Variants in CFTR observed in about 807,000 individuals in gnomAD.
CFTR encodes the protein CF transmembrane conductance regulator, also known as cystic fibrosis transmembrane conductance regulator.
In CFTR, 181 loss-of-function variants were observed where a neutral mutation model predicts 171.6. The observed-to-expected ratio is 1.05, with a 90% CI of 0.93 to 1.19. CFTR has a LOEUF of 1.19. CFTR is among the 50% of genes most tolerant of loss of function. CFTR has a pLI of 0.00. For synonymous variants in CFTR, 583 were observed against 608.0 expected (o/e 0.96, Z 0.60); for missense variants, 1,968 against 1,734.7 (o/e 1.13, Z -2.39).
At chr7:117,663,428 T>C (rs1420660274) in intron 24 of CFTR, among the ~76,000 whole-genome samples, 5 of 151,924 alleles carry the variant, frequency 3.3e-5, no homozygotes, top group Non-Finnish European at 7.4e-5. Context: ...GAGATTACTT[T>C]AATGAGAAAC....
At chr7:117,533,281 C>T (rs1382800501) in intron 4 of CFTR, among the ~76,000 whole-genome samples, 1 of 152,052 alleles carries the variant, frequency 6.6e-6, no homozygotes, top group African/African-American at 2.4e-5. Context: ...CTTCTTTTCT[C>T]TGCTTGTCTA....
At chr7:117,559,375 A>G (rs1584798110) in intron 10 of CFTR, 89 bp from the exon 11 acceptor site, 2 of 862,426 alleles carry the variant, frequency 2.3e-6, no homozygotes, top group South Asian at 2.7e-5. Context: ...AAATAAGAAT[A>G]TACACTTCTG....
At chr7:117,579,541 C>T (rs557433538) in intron 11 of CFTR, among the ~76,000 whole-genome samples, 14 of 151,338 alleles carry the variant, frequency 9.3e-5, no homozygotes, top group African/African-American at 3.1e-4. Context: ...CACAAATATC[C>T]ATTAGCTATT....
At chr7:117,578,201 G>A (rs183942037) in intron 11 of CFTR, among the ~76,000 whole-genome samples, 86 of 149,476 alleles carry the variant, frequency 5.8e-4, no homozygotes, top group Non-Finnish European at 1.0e-3. Flanking sequence ...TTTTTTTTCC[G>A]TTTCTGACAC....
chr7:117,509,745 A>G (rs1167740795), intron 3 of CFTR, among the ~76,000 whole-genome samples: 1 of 152,180 alleles, frequency 6.6e-6, no homozygotes, highest in Non-Finnish European at 1.5e-5. Flanking sequence ...AGTGCCTTGT[A>G]TGTTCCCCAG....
intron 18 of CFTR, among the ~76,000 whole-genome samples, chr7:117,609,045 A>G (rs571709191): frequency 6.6e-6 from 1 of 152,252 alleles, no homozygotes; most frequent in East Asian, 1.9e-4. Context: ...CTGAAATTTT[A>G]TACCTGTTGA....
intron 19 of CFTR, among the ~76,000 whole-genome samples, chr7:117,611,320 A>T (rs1429969313): frequency 1.3e-5 from 2 of 152,192 alleles, no homozygotes; most frequent in Non-Finnish European, 2.9e-5. Context: ...TCCCAGTGGT[A>T]GCCAAGAAAG....
chr7:117,517,419 G>C (rs1360879232), intron 3 of CFTR, among the ~76,000 whole-genome samples: 2 of 152,154 alleles, frequency 1.3e-5, no homozygotes, highest in Non-Finnish European at 2.9e-5. Context: ...GTATTCCATG[G>C]TATATATGTG....
chr7:117,606,574 CT>C lies in CFTR; in HGVS notation c.2909-99del, dbSNP rs1213436263. The C allele has an allele frequency of 4.3e-5, 32 of 735,858 alleles. No individual in the cohort carries two copies. In the Admixed American group the frequency reaches 6.2e-4, roughly 14 times the overall value. The allele number at this position is 735,858 out of a possible 1,614,324, so 45.6% of individuals were successfully genotyped here. A position where few individuals can be genotyped will look rare whatever the true frequency, so the allele number is the denominator to read the frequency against. On this transcript the variant is annotated intron_variant, in intron 17 of 26. Coordinates refer to ENST00000003084, the MANE Select transcript of CFTR (RefSeq NM_000492.4). ...CTATTTGCTAATTCTTATTTGGGTTCTGAATGCGTCTACTGTGATCCAAACT... is the reference window on the plus strand; with the variant it reads ...CTATTTGCTAATTCTTATTTGGGTTCGAATGCGTCTACTGTGATCCAAACT...
intron 23 of CFTR, among the ~76,000 whole-genome samples, chr7:117,651,373 G>A (rs2116192135): frequency 6.6e-6 from 1 of 152,212 alleles, no homozygotes; most frequent in Non-Finnish European, 1.5e-5. Flanking sequence ...AAATCCAATT[G>A]CTTAAATAAT....
At chr7:117,622,132 T>C (rs1254135670) in intron 21 of CFTR, among the ~76,000 whole-genome samples, 1 of 152,196 alleles carries the variant, frequency 6.6e-6, no homozygotes, top group Non-Finnish European at 1.5e-5. Context: ...GCTGTAATAA[T>C]ATACTAAAGG....
chr7:117,548,490 C>A, intron 9 of CFTR, 151 bp from the exon 10 acceptor site: 1 of 1,408,584 alleles, frequency 7.1e-7, no homozygotes, highest in Non-Finnish European at 9.5e-7. Flanking sequence ...TAATTATGTA[C>A]TATAAAGTAA....
chr7:117,596,168 T>C (rs1465496612), intron 15 of CFTR, among the ~76,000 whole-genome samples: 1 of 30,638 alleles, frequency 3.3e-5, no homozygotes, highest in Non-Finnish European at 5.9e-5. Context: ...CTGGGGGAAC[T>C]GGGGCTGCGG....
rs566680427 is a variant in CFTR at position 117,668,147 on chromosome 7, A to G, written c.*1039A>G. 1.1e-4 allele frequency: 17 copies of G among 152,300 alleles called. No individual in the cohort carries two copies. Among genetic ancestry groups the G allele is most frequent in the African/African-American group, 3.6e-4 (15 of 41,566 alleles). The allele number at this position is 152,300 out of a possible 1,614,324, so 9.4% of individuals were successfully genotyped here. A position where few individuals can be genotyped will look rare whatever the true frequency, so the allele number is the denominator to read the frequency against. On this transcript the variant is annotated 3_prime_UTR_variant, in exon 27 of 27. Transcript: ENST00000003084. ...GCTGTCTACACTAAGAGAGAATGAGAGACACACTGAAGAAGCACCAATCAT... is the reference window on the plus strand; with the variant it reads ...GCTGTCTACACTAAGAGAGAATGAGGGACACACTGAAGAAGCACCAATCAT...
intron 10 of CFTR, among the ~76,000 whole-genome samples, chr7:117,556,135 G>T (rs1799348621): frequency 6.6e-6 from 1 of 152,014 alleles, no homozygotes; most frequent in Non-Finnish European, 1.5e-5. Context: ...TGCGATCTCG[G>T]CTCACTGCAA....
At chr7:117,596,429 T>C (rs1337679908) in intron 15 of CFTR, among the ~76,000 whole-genome samples, 1 of 152,216 alleles carries the variant, frequency 6.6e-6, no homozygotes, top group East Asian at 1.9e-4. Flanking sequence ...CCAAGCCTCC[T>C]GACGAGCACC....
At chr7:117,608,090 T>G (rs1301369117) in intron 18 of CFTR, among the ~76,000 whole-genome samples, 2 of 152,202 alleles carry the variant, frequency 1.3e-5, no homozygotes, top group African/African-American at 4.8e-5. Flanking sequence ...GAGGCTCACT[T>G]CAGAACTCCT....
chr7:117,599,210 C>A (rs548039863), intron 15 of CFTR, among the ~76,000 whole-genome samples: 1 of 152,196 alleles, frequency 6.6e-6, no homozygotes, highest in African/African-American at 2.4e-5. Flanking sequence ...TAATCTTAAC[C>A]AACCCTTTAT....
chr7:117,504,886 TTTG>T (rs1235129418), intron 2 of CFTR, among the ~76,000 whole-genome samples: 2 of 152,080 alleles, frequency 1.3e-5, no homozygotes, highest in Non-Finnish European at 2.9e-5. Context: ...AAAATACACA[TTTG>T]GTTTCAGAGA....
Sources: allele counts gnomAD v4.1 joint callset (sites outside exome capture counted in the v4.1 genomes callset), GRCh38; gene constraint gnomAD v4.1.1; transcripts MANE v1.5; gene names NCBI Gene and HGNC (gene_info 2026-07-23, HGNC 2026-07-21).